TNKS: variants seen among roughly 807,000 people sequenced by gnomAD.
TNKS encodes tankyrase.
In TNKS, 72 loss-of-function variants were observed where a neutral mutation model predicts 135.8. The observed-to-expected ratio is 0.53, with a 90% CI of 0.44 to 0.64. TNKS has a LOEUF of 0.64. TNKS is among the 30% of genes least tolerant of loss of function. The pLI, the probability that TNKS is intolerant of heterozygous loss-of-function variation, is 0.00. For missense variants in TNKS, 1,769 were observed against 1,674.0 expected (o/e 1.06, Z -0.99); for synonymous variants, 849 against 649.3 (o/e 1.31, Z -4.68).
rs60801852 is a variant in TNKS at position 9,770,848 on chromosome 8, A to T, written c.3897+586A>T. Among the ~76,000 whole-genome samples, 4 of 152,160 alleles carry T rather than the reference A, an allele frequency of 2.6e-5. 1 individual carries two copies. The South Asian group carries it at 8.3e-4, about 32-fold the overall frequency. ...CTCCTTTTAGTAAATGTGTTGATGG[A>T]GATACCGTGGGCAAAACAGTGAAAC... On this transcript the variant is annotated intron_variant, in intron 26 of 26. Coordinates refer to ENST00000310430, the MANE Select transcript of TNKS (RefSeq NM_003747.3).
At position 9,748,018 on chromosome 8, in the gene TNKS, T is replaced by C; in HGVS notation, c.2644-6T>C. ...TAACTCTTTGTATCCTTTTCTTTTT[T>C]TTCAGCATGTTGACATAGCGGCTTT... On this transcript the variant is annotated splice_polypyrimidine_tract_variant and splice_region_variant and intron_variant, in intron 17 of 26. Coordinates refer to ENST00000310430, the MANE Select transcript of TNKS (RefSeq NM_003747.3). 1.9e-6 allele frequency: 3 copies of C among 1,603,648 alleles called. No individual in the cohort carries two copies. The highest frequency in any genetic ancestry group is 2.6e-6 in the Non-Finnish European group (3 of 1,174,356).
chr8:9,634,867 C>T (rs1013333900), intron 3 of TNKS, among the ~76,000 whole-genome samples: 1 of 152,184 alleles, frequency 6.6e-6, no homozygotes, highest in African/African-American at 2.4e-5. Flanking sequence ...CCTGGAACAT[C>T]TTCTGTGCTA....
intron 5 of TNKS, among the ~76,000 whole-genome samples, chr8:9,689,455 G>T (rs1803159913): frequency 6.6e-6 from 1 of 151,988 alleles, no homozygotes; most frequent in South Asian, 2.1e-4. Flanking sequence ...TTTGGAAACA[G>T]ACCAATTCTA....
chr8:9,628,124 A>G (rs1421876130), intron 3 of TNKS, among the ~76,000 whole-genome samples: 1 of 151,848 alleles, frequency 6.6e-6, no homozygotes, highest in Non-Finnish European at 1.5e-5. Flanking sequence ...ATCTGCTCAT[A>G]TGTATTGAAT....
At chr8:9,581,828 C>G (rs1384050480) in intron 2 of TNKS, among the ~76,000 whole-genome samples, 1 of 152,156 alleles carries the variant, frequency 6.6e-6, no homozygotes. Flanking sequence ...TCGCCTCCTC[C>G]TCTTAATCCC....
chr8:9,669,232 C>G (rs973941878), intron 3 of TNKS, among the ~76,000 whole-genome samples: 5 of 151,346 alleles, frequency 3.3e-5, no homozygotes, highest in South Asian at 4.2e-4. Context: ...TCCTGGCTAA[C>G]AAGGTGAAAC....
intron 3 of TNKS, among the ~76,000 whole-genome samples, chr8:9,662,512 G>C (rs576998203): frequency 2.4e-4 from 36 of 152,166 alleles, no homozygotes; most frequent in African/African-American, 8.4e-4. Flanking sequence ...ACCAAACACC[G>C]TATGTTCTGA....
intron 1 of TNKS, among the ~76,000 whole-genome samples, chr8:9,569,090 G>A (rs984923418): frequency 1.4e-5 from 2 of 140,766 alleles, no homozygotes; most frequent in Non-Finnish European, 3.0e-5. Flanking sequence ...TTTAGAATTG[G>A]GAAACTGTTA....
chr8:9,731,363 G>A (rs1225938255), intron 14 of TNKS, among the ~76,000 whole-genome samples: 1 of 149,926 alleles, frequency 6.7e-6, no homozygotes, highest in Non-Finnish European at 1.5e-5. Context: ...GGGAGGCTGA[G>A]GCAGGAGAAT....
At chr8:9,632,887 G>C (rs369881945) in intron 3 of TNKS, among the ~76,000 whole-genome samples, 1 of 151,948 alleles carries the variant, frequency 6.6e-6, no homozygotes, top group Non-Finnish European at 1.5e-5. Context: ...CTGCCACCAC[G>C]CCCGGCTAAT....
At chr8:9,687,582 G>C (rs897432549) in intron 5 of TNKS, among the ~76,000 whole-genome samples, 3 of 152,158 alleles carry the variant, frequency 2.0e-5, no homozygotes, top group Non-Finnish European at 4.4e-5. Flanking sequence ...CCAATGCCAA[G>C]TGCGCTGTTT....
intron 3 of TNKS, among the ~76,000 whole-genome samples, chr8:9,635,262 A>G (rs543682879): frequency 5.3e-5 from 8 of 152,332 alleles, no homozygotes; most frequent in East Asian, 3.9e-4. Context: ...GGGGCTCCCA[A>G]TGAACATATC....
At chr8:9,734,331 A>C (rs915701253) in intron 15 of TNKS, among the ~76,000 whole-genome samples, 9 of 152,314 alleles carry the variant, frequency 5.9e-5, no homozygotes, top group African/African-American at 2.2e-4. Context: ...TAAACTTTTA[A>C]AATCTATAAT....
chr8:9,698,374 G>GAAAAAAAAAAAAAAAAAAAAAAAAAA (rs34311181), intron 5 of TNKS, among the ~76,000 whole-genome samples: 4 of 98,766 alleles, frequency 4.0e-5, no homozygotes, highest in Non-Finnish European at 5.6e-5. Flanking sequence ...ATTTTAAAAT[G>GAAAAAAAAAAAAAAAAAAAAAAAAAA]AAAAAAAAAA....
At chr8:9,624,296 T>G (rs1207109538) in intron 3 of TNKS, among the ~76,000 whole-genome samples, 2 of 152,236 alleles carry the variant, frequency 1.3e-5, no homozygotes, top group Non-Finnish European at 2.9e-5. Flanking sequence ...TTTTAAATGG[T>G]TCTTTAAAAT....
chr8:9,651,046 A>C (rs1298699925), intron 3 of TNKS, among the ~76,000 whole-genome samples: 1 of 10,594 alleles, frequency 9.4e-5, no homozygotes, highest in Non-Finnish European at 9.5e-4. Context: ...CTTGCCAATT[A>C]TACCAACACC....
chr8:9,607,696 T>A (rs894254012), intron 2 of TNKS, among the ~76,000 whole-genome samples: 1 of 152,330 alleles, frequency 6.6e-6, no homozygotes, highest in African/African-American at 2.4e-5. Context: ...ATAATTACAT[T>A]TGTTATTTTA....
intron 25 of TNKS, 41 bp from the exon 26 acceptor site, chr8:9,770,065 T>C (rs1807729083): frequency 6.4e-7 from 1 of 1,557,250 alleles, no homozygotes; most frequent in African/African-American, 1.4e-5. Flanking sequence ...TTGTAAGATT[T>C]AAAGCTTCCT....
Position 9,556,021 on chromosome 8 carries a change from C to A in TNKS, c.82C>A (p.Pro28Thr). 1 of 1,612,624 alleles carries A rather than the reference C, an allele frequency of 6.2e-7. No homozygotes were observed. Among genetic ancestry groups the A allele is most frequent in the Non-Finnish European group, 8.5e-7 (1 of 1,179,732 alleles). Residue 28 changes from proline to threonine, a missense_variant, in exon 1 of 27, where the codon CCG becomes ACG. Pro to Thr is a conservative substitution (Grantham distance 38). This residue lies in a region of TNKS where 450 missense variants were observed against 304.9 expected (regional missense o/e 1.48). Coordinates refer to ENST00000310430, the MANE Select transcript of TNKS (RefSeq NM_003747.3). Reference protein sequence around the residue: ...LQPAPGASAPPPPPPPPLSPG... With the variant: ...LQPAPGASAPTPPPPPPLSPG... ...GCCCGCCCCAGGGGCTTCAGCGCCG[C>A]CGCCGCCACCTCCTCCCCCACTCAG...
Sources: allele counts gnomAD v4.1 joint callset (sites outside exome capture counted in the v4.1 genomes callset), GRCh38; gene constraint gnomAD v4.1.1; regional missense constraint gnomAD v4.1.1; transcripts MANE v1.5; gene names NCBI Gene and HGNC (gene_info 2026-07-23, HGNC 2026-07-21).